Variants in DCP1A observed in about 807,000 individuals in gnomAD.
DCP1A encodes the protein decapping mRNA 1A, also known as mRNA-decapping enzyme 1A.
A neutral mutation model predicts 58.0 loss-of-function variants in DCP1A; 20 were observed. The ratio of observed to expected loss-of-function variants is 0.34; its 90% CI spans 0.24 to 0.50. The LOEUF is 0.50. Ranked by LOEUF, DCP1A falls within the 20% of genes least tolerant of loss-of-function variation. The pLI is 0.98. For synonymous variants in DCP1A, 285 were observed against 275.1 expected, an observed-to-expected ratio of 1.04 and a Z score of -0.36; for missense variants, 613 against 712.2, an observed-to-expected ratio of 0.86 and a Z score of 1.59.
intron 3 of DCP1A, among the ~76,000 whole-genome samples, chr3:53,328,492 C>T (rs1226940667): frequency 2.0e-5 from 3 of 151,140 alleles, no homozygotes; most frequent in African/African-American, 7.3e-5. Context: ...GTTAACTTTA[C>T]AAATCTTTAC....
At chr3:53,310,559 A>G (rs1365011816) in intron 5 of DCP1A, among the ~76,000 whole-genome samples, 2 of 152,266 alleles carry the variant, frequency 1.3e-5, no homozygotes, top group Non-Finnish European at 1.5e-5. Context: ...CTCTACAAAC[A>G]GAACAAAGTA....
chr3:53,315,495 C>T (rs939908677), intron 4 of DCP1A, among the ~76,000 whole-genome samples: 10 of 142,356 alleles, frequency 7.0e-5, no homozygotes, highest in Non-Finnish European at 1.1e-4. Context: ...ACCCAGATCA[C>T]GCCACCACAT....
chr3:53,347,245 A>G, intron 1 of DCP1A, 138 bp downstream of exon 1: 3 of 1,060,316 alleles, frequency 2.8e-6, no homozygotes, highest in Non-Finnish European at 3.8e-6. Flanking sequence ...GGCTCTGGCT[A>G]GGCTCTTGGC....
intron 4 of DCP1A, among the ~76,000 whole-genome samples, chr3:53,314,532 C>T (rs951079728): frequency 4.6e-5 from 7 of 152,126 alleles, no homozygotes; most frequent in African/African-American, 1.4e-4. Flanking sequence ...ATCTGTCACA[C>T]GGCCTGTTTT....
chr3:53,329,257 G>T (rs1708193696), intron 3 of DCP1A: 1 of 397,194 alleles, frequency 2.5e-6, no homozygotes, highest in Admixed American at 4.4e-5. Context: ...ACACACTACA[G>T]CATTTCTTCT....
In DCP1A at chr3:53,287,482, C is replaced by A; in HGVS notation, c.*98G>T. 1.4e-6 allele frequency: 1 copy of A among 709,740 alleles called. No homozygotes were observed. The allele number at this position is 709,740 out of a possible 1,614,324, so 44.0% of individuals were successfully genotyped here. On this transcript the variant is annotated 3_prime_UTR_variant, in exon 10 of 10. Coordinates refer to ENST00000610213, the MANE Select transcript of DCP1A (RefSeq NM_018403.7). The stretch of plus-strand genomic sequence containing the variant: ...AGTCTCTTTCTCATAGGCTCAATTT[C>A]AGGATTCTCAAACTCAATGTTCTGC...
intron 4 of DCP1A, among the ~76,000 whole-genome samples, chr3:53,317,606 C>G (rs1707850535): frequency 6.6e-6 from 1 of 152,140 alleles, no homozygotes; most frequent in Admixed American, 6.5e-5. Context: ...GTCCCAATTA[C>G]TTGGGAGGCT....
chr3:53,298,397 C>T lies in DCP1A; in HGVS notation c.625-5570G>A, dbSNP rs570137740. 4.6e-5 allele frequency among the ~76,000 whole-genome samples: 7 copies of T among 152,306 alleles called. No individual in the cohort carries two copies. The South Asian group carries it at 1.4e-3, about 32-fold the overall frequency. On this transcript the variant is annotated intron_variant, in intron 6 of 9. Transcript: ENST00000610213. ...GAATGGGGAGTATGGTAAAGCATTA[C>T]AGTTTTGGAGGTTTTCTCATATAAG...
At chr3:53,320,599 C>T (rs981981975) in intron 3 of DCP1A, among the ~76,000 whole-genome samples, 2 of 152,098 alleles carry the variant, frequency 1.3e-5, no homozygotes. Context: ...CCTTCAAATG[C>T]AACTGTAAAG....
intron 6 of DCP1A, among the ~76,000 whole-genome samples, chr3:53,297,159 CA>C (rs1314094855): frequency 1.3e-5 from 2 of 152,140 alleles, no homozygotes; most frequent in African/African-American, 2.4e-5. Flanking sequence ...TTTGAATTTG[CA>C]TGTCCCTAAT....
intron 6 of DCP1A, among the ~76,000 whole-genome samples, chr3:53,296,049 C>T (rs543229220): frequency 6.6e-6 from 1 of 152,220 alleles, no homozygotes; most frequent in East Asian, 1.9e-4. Flanking sequence ...TGCGTCACCA[C>T]ATCCAGCTAA....
Position 53,284,570 on chromosome 3 carries a change from A to G in DCP1A, c.*3010T>C, listed in dbSNP as rs1553684877. 1 of 110,554 alleles carries G rather than the reference A, an allele frequency of 9.0e-6. No individual in the cohort carries two copies. Among genetic ancestry groups the G allele is most frequent in the African/African-American group, 3.6e-5 (1 of 27,686 alleles). The allele number at this position is 110,554 out of a possible 1,614,324, so 6.8% of individuals were successfully genotyped here. A position where few individuals can be genotyped will look rare whatever the true frequency, so the allele number is the denominator to read the frequency against. On this transcript the variant is annotated 3_prime_UTR_variant, in exon 10 of 10. Coordinates refer to ENST00000610213, the MANE Select transcript of DCP1A (RefSeq NM_018403.7). ...TTTTTTTTTTTTGAGGTGGAGTCTC[A>G]CTGTCGCCCAGGCTAGAGTGCAGTG...
chr3:53,296,145 G>A (rs906651447), intron 6 of DCP1A, among the ~76,000 whole-genome samples: 12 of 152,030 alleles, frequency 7.9e-5, no homozygotes, highest in African/African-American at 2.2e-4. Flanking sequence ...TCTGCGTGCC[G>A]CGGCCTCCCA....
At position 53,285,982 on chromosome 3, in the gene DCP1A, T is replaced by C. The variant is rs932514631; in HGVS notation, c.*1598A>G. 6.6e-6 allele frequency: 1 copy of C among 152,174 alleles called. No homozygotes were observed. The highest frequency in any genetic ancestry group is 2.4e-5 in the African/African-American group (1 of 41,446). 9.4% of individuals were successfully genotyped at this position (152,174 alleles called of 1,614,324 possible). A position where few individuals can be genotyped will look rare whatever the true frequency, so the allele number is the denominator to read the frequency against. On this transcript the variant is annotated 3_prime_UTR_variant, in exon 10 of 10. Transcript: ENST00000610213. ...TCTGCACAATTCACACATAATTAGG[T>C]AGACAGCAATAGAAGACACTAAAAT...
At chr3:53,322,813 C>CTT (rs1305800543) in intron 3 of DCP1A, among the ~76,000 whole-genome samples, 8 of 135,522 alleles carry the variant, frequency 5.9e-5, no homozygotes, top group African/African-American at 1.3e-4. Flanking sequence ...TGTTTGTTTG[C>CTT]TTTTTTTTTT....
Position 53,288,963 on chromosome 3 carries a change from C to T in DCP1A, c.1450-680G>A, listed in dbSNP as rs868976042. Among the ~76,000 whole-genome samples the T allele has an allele frequency of 6.6e-5, 10 of 151,588 alleles. No homozygotes were observed. The South Asian group carries it at 1.5e-3, about 22-fold the overall frequency. ...CCAGGAGGTGGAGGTTGCAGTGAGC[C>T]GAGACTGCACCATTGCACTCCAGCC... On this transcript the variant is annotated intron_variant, in intron 8 of 9. Coordinates refer to ENST00000610213, the MANE Select transcript of DCP1A (RefSeq NM_018403.7).
At position 53,285,719 on chromosome 3, in the gene DCP1A, G is replaced by A. The variant is rs1553685033; in HGVS notation, c.*1861C>T. ...GAATCCCTTGATTCGTCTGTTCACC[G>A]AAGCCCACTGAGACTACACTTGAGG... is the stretch of plus-strand genomic sequence containing the variant. On this transcript the variant is annotated 3_prime_UTR_variant, in exon 10 of 10. Coordinates refer to ENST00000610213, the MANE Select transcript of DCP1A (RefSeq NM_018403.7). The A allele has an allele frequency of 6.6e-6, 1 of 151,858 alleles. No individual in the cohort carries two copies. The highest frequency in any genetic ancestry group is 1.5e-5 in the Non-Finnish European group (1 of 67,968). 9.4% of individuals were successfully genotyped at this position (151,858 alleles called of 1,614,324 possible).
rs782076499 is a variant in DCP1A, at chr3:53,292,372, G to A, written c.1080C>T (p.Val360=). Residue 360 remains valine, a synonymous_variant, in exon 7 of 10, where the codon GTC becomes GTT. Coordinates refer to ENST00000610213, the MANE Select transcript of DCP1A (RefSeq NM_018403.7). ...RQRSPLLNQP[V]PELSHASLIA... ...TCAGACTGGCATGGCTTAGCTCAGG[G>A]ACTGGCTGGTTCAGGAGTGGAGACC... The A allele has an allele frequency of 1.2e-6, 2 of 1,613,382 alleles. No homozygotes were observed. The highest frequency in any genetic ancestry group is 2.2e-5 in the South Asian group (2 of 91,038).
Position 53,308,154 on chromosome 3 carries a change from TTTC to T in DCP1A, c.511-3867_511-3865del, listed in dbSNP as rs564211133. ...TTTCTAGGTGGTAGAACTATGATAT[TTTC>T]TTCTTTTTGTTTACTGTAATTTTTG... On this transcript the variant is annotated intron_variant, in intron 5 of 9. Transcript: ENST00000610213. Among the ~76,000 whole-genome samples the T allele has an allele frequency of 1.1e-4, 16 of 152,314 alleles. No individual in the cohort carries two copies. The South Asian group carries it at 2.1e-3, about 20-fold the overall frequency.
Sources: gnomAD v4.1 joint callset for allele counts (sites outside exome capture counted in the v4.1 genomes callset) on GRCh38, gnomAD v4.1.1 for gene constraint, MANE v1.5 for transcripts, NCBI Gene and HGNC (gene_info 2026-07-23, HGNC 2026-07-21) for gene names.